SNX18: variants seen among roughly 807,000 people sequenced by gnomAD.
SNX18 encodes the protein sorting nexin 18, also known as sorting nexin-18.
SNX18 carries 35 observed loss-of-function variants against 48.7 expected under a neutral mutation model. That is an observed-to-expected ratio of 0.72 (90% CI 0.55 to 0.95). The LOEUF (loss-of-function observed/expected upper bound fraction) is 0.95. Among genes scored for constraint, SNX18 ranks in the 40% least tolerant of loss-of-function variants. The pLI is 0.00. For missense variants in SNX18, 824 were observed against 871.0 expected (o/e 0.95, Z 0.68); for synonymous variants, 492 against 384.7 (o/e 1.28, Z -3.26).
intron 1 of SNX18, among the ~76,000 whole-genome samples, chr5:54,530,747 T>TTTTTTTTTTTTTTC (rs1762240303): frequency 3.0e-5 from 1 of 33,634 alleles, no homozygotes; most frequent in Admixed American, 3.7e-4. Context: ...CACAGAAATT[T>TTTTTTTTTTTTTTC]TTTTTTTTTT....
At position 54,517,830 on chromosome 5, in the gene SNX18, G is replaced by C; in HGVS notation, c.-123G>C. The C allele has an allele frequency of 9.3e-7, 1 of 1,076,828 alleles. No individual in the cohort carries two copies. 66.7% of individuals were successfully genotyped at this position (1,076,828 alleles called of 1,614,324 possible). A position where few individuals can be genotyped will look rare whatever the true frequency, so the allele number is the denominator to read the frequency against. On this transcript the variant is annotated 5_prime_UTR_variant, in exon 1 of 2. Transcript: ENST00000381410. ...GGCGCGACCGGCTGGTCCGGGCAGC[G>C]TGGGTTTGCCGCCTTCGGGGCTCCA...
the SNX18 span, among the ~76,000 whole-genome samples, chr5:54,573,472 A>T: frequency 3.3e-5 from 5 of 152,150 alleles, no homozygotes; most frequent in Non-Finnish European, 7.3e-5. Flanking sequence ...CCCGGCCTCA[A>T]ATTGCATGTT....
At position 54,518,281 on chromosome 5, in the gene SNX18, C is replaced by T; in HGVS notation, c.329C>T (p.Pro110Leu). ...GACGCCTTCCAGGCGCTGCTGCAGCCACAGCAGGCGCCGCCTCCGAGCACC... is the reference window on the plus strand; with the variant it reads ...GACGCCTTCCAGGCGCTGCTGCAGCTACAGCAGGCGCCGCCTCCGAGCACC... Reference protein sequence around the residue: ...PPDAFQALLQPQQAPPPSTFQ... With the variant: ...PPDAFQALLQLQQAPPPSTFQ... The change falls in exon 1 of 2, where the codon CCA becomes CTA. Residue 110 changes from proline (P) to leucine (L), a missense_variant. This residue lies in a region of SNX18 where 377 missense variants were observed against 350.6 expected (regional missense o/e 1.08). Transcript: ENST00000381410. The T allele has an allele frequency of 6.7e-7, 1 of 1,499,542 alleles. No individual in the cohort carries two copies. Among genetic ancestry groups the T allele is most frequent in the East Asian group, 2.8e-5 (1 of 35,442 alleles). 92.9% of individuals were successfully genotyped at this position (1,499,542 alleles called of 1,614,324 possible).
At position 54,530,744 on chromosome 5, in the gene SNX18, A is replaced by ATTTTTTTTTTTTTTTTTTTTTTTT. The variant is rs70986692; in HGVS notation, c.1621+11174_1621+11197dup. ...TGCAGACAGGAGCTGAACCACAGAA[A>ATTTTTTTTTTTTTTTTTTTTTTTT]TTTTTTTTTTTTTTTTTTTTTTTTT... On this transcript the variant is annotated intron_variant, in intron 1 of 1. Coordinates refer to ENST00000381410, the MANE Select transcript of SNX18 (RefSeq NM_001102575.2). Among the ~76,000 whole-genome samples, 3 of 72,520 alleles carry ATTTTTTTTTTTTTTTTTTTTTTTT rather than the reference A, an allele frequency of 4.1e-5. 1 individual carries two copies. The highest frequency in any genetic ancestry group is 4.3e-4 in the Admixed American group (2 of 4,678). 47.6% of individuals were successfully genotyped at this position (72,520 alleles called of 152,430 possible).
At chr5:54,618,844 AG>A in the SNX18 span, among the ~76,000 whole-genome samples, 1 of 152,196 alleles carries the variant, frequency 6.6e-6, no homozygotes, top group African/African-American at 2.4e-5. Context: ...ATAAGTAAAA[AG>A]ATATACATCT....
the SNX18 span, among the ~76,000 whole-genome samples, chr5:54,613,894 C>T: frequency 6.6e-6 from 1 of 152,128 alleles, no homozygotes; most frequent in African/African-American, 2.4e-5. Context: ...GGGGTTTCTC[C>T]ATGTTGGTCA....
the SNX18 span, among the ~76,000 whole-genome samples, chr5:54,580,665 A>G: frequency 6.6e-6 from 1 of 152,196 alleles, no homozygotes; most frequent in African/African-American, 2.4e-5. Context: ...AAAAAGAAAA[A>G]TGGATCCTCC....
chr5:54,579,963 G>T, the SNX18 span, among the ~76,000 whole-genome samples: 6 of 151,988 alleles, frequency 3.9e-5, no homozygotes, highest in Non-Finnish European at 7.4e-5. Context: ...TTTTGCATTT[G>T]TCTGTTGTAC....
chr5:54,596,177 G>A, the SNX18 span, among the ~76,000 whole-genome samples: 7 of 152,270 alleles, frequency 4.6e-5, no homozygotes, highest in South Asian at 1.5e-3. Context: ...CTTTTAAAAT[G>A]CAAATATCTG....
downstream of SNX18, among the ~76,000 whole-genome samples, chr5:54,551,417 A>G (rs1317909883): frequency 6.6e-6 from 1 of 152,178 alleles, no homozygotes; most frequent in Non-Finnish European, 1.5e-5. Flanking sequence ...ATGAAACTCT[A>G]ATCCCAGTGT....
chr5:54,611,679 C>T, the SNX18 span, among the ~76,000 whole-genome samples: 1 of 152,152 alleles, frequency 6.6e-6, no homozygotes, highest in Non-Finnish European at 1.5e-5. Context: ...TCTATACCTA[C>T]TTTAGCTTAT....
At chr5:54,554,835 G>A in the SNX18 span, among the ~76,000 whole-genome samples, 1 of 152,184 alleles carries the variant, frequency 6.6e-6, no homozygotes, top group African/African-American at 2.4e-5. Context: ...ATATCGAGCA[G>A]GGATTTCCAG....
the SNX18 span, among the ~76,000 whole-genome samples, chr5:54,642,445 T>A: frequency 6.6e-6 from 1 of 152,220 alleles, no homozygotes; most frequent in African/African-American, 2.4e-5. Context: ...TCCACAATTT[T>A]GTGGGATTAG....
the SNX18 span, among the ~76,000 whole-genome samples, chr5:54,565,015 C>A: frequency 1.1e-4 from 17 of 152,344 alleles, no homozygotes; most frequent in East Asian, 3.3e-3. Context: ...TCCATCTTCA[C>A]AGCCAGTGAT....
At chr5:54,646,908 G>C in the SNX18 span, among the ~76,000 whole-genome samples, 1 of 152,200 alleles carries the variant, frequency 6.6e-6, no homozygotes, top group East Asian at 1.9e-4. Flanking sequence ...AGCCCTCCCA[G>C]CTGTGCTGCC....
At chr5:54,641,008 C>A in the SNX18 span, among the ~76,000 whole-genome samples, 1 of 151,776 alleles carries the variant, frequency 6.6e-6, no homozygotes, top group Non-Finnish European at 1.5e-5. Flanking sequence ...TGAAGTGAGC[C>A]GAGATTGTGC....
At chr5:54,583,918 C>A in the SNX18 span, among the ~76,000 whole-genome samples, 1,269 of 152,290 alleles carry the variant, frequency 8.3e-3, 26 homozygotes, top group South Asian at 0.07. Context: ...ACATTGCTGC[C>A]AGAGCCTGAT....
At chr5:54,595,601 C>T in the SNX18 span, among the ~76,000 whole-genome samples, 9 of 152,332 alleles carry the variant, frequency 5.9e-5, no homozygotes, top group South Asian at 1.7e-3. Context: ...TACATTCCCA[C>T]TGACAGTGTA....
the SNX18 span, among the ~76,000 whole-genome samples, chr5:54,629,309 C>T: frequency 6.6e-6 from 1 of 152,128 alleles, no homozygotes; most frequent in East Asian, 1.9e-4. Flanking sequence ...GGAGAGGAGC[C>T]ACCATTTACA....
Sources: gnomAD v4.1 joint callset for allele counts (sites outside exome capture counted in the v4.1 genomes callset) on GRCh38, gnomAD v4.1.1 for gene constraint, gnomAD v4.1.1 regional missense constraint, MANE v1.5 for transcripts, NCBI Gene and HGNC (gene_info 2026-07-23, HGNC 2026-07-21) for gene names.